PCGF5: variants seen among roughly 807,000 people sequenced by gnomAD.
PCGF5 encodes polycomb group ring finger 5.
Under a neutral mutation model 44.3 loss-of-function variants are expected in PCGF5, and 9 were observed. The ratio of observed to expected loss-of-function variants is 0.20; its 90% CI spans 0.12 to 0.35. The LOEUF (loss-of-function observed/expected upper bound fraction) is 0.35, where lower values mean the gene tolerates loss of function less well. Among genes scored for constraint, PCGF5 ranks in the 10% least tolerant of loss-of-function variants. The pLI, the probability that PCGF5 is intolerant of heterozygous loss-of-function variation, is 1.00. For synonymous variants in PCGF5, 95 were observed against 102.5 expected (o/e 0.93, Z 0.44); for missense variants, 146 against 305.3 (o/e 0.48, Z 3.89).
chr10:91,222,393 A>T (rs984091766), intron 1 of PCGF5, among the ~76,000 whole-genome samples: 3 of 152,232 alleles, frequency 2.0e-5, no homozygotes, highest in Non-Finnish European at 2.9e-5. Context: ...CTAATAGAGC[A>T]GTCAAGCAGA....
chr10:91,201,140 G>A (rs1564632074), intron 1 of PCGF5, among the ~76,000 whole-genome samples: 1 of 152,188 alleles, frequency 6.6e-6, no homozygotes, highest in East Asian at 1.9e-4. Flanking sequence ...TGCTACAGCT[G>A]AATACCTGAG....
At chr10:91,214,983 TA>T (rs1844516631) in intron 1 of PCGF5, among the ~76,000 whole-genome samples, 1 of 152,200 alleles carries the variant, frequency 6.6e-6, no homozygotes, top group South Asian at 2.1e-4. Context: ...ACTTCACTGG[TA>T]AAAAGGATTA....
chr10:91,209,399 A>G (rs1210190407), intron 1 of PCGF5, among the ~76,000 whole-genome samples: 1 of 152,210 alleles, frequency 6.6e-6, no homozygotes, highest in Non-Finnish European at 1.5e-5. Context: ...ATTTGAGACC[A>G]GGAGTTTGAA....
At position 91,271,707 on chromosome 10, in the gene PCGF5, A is replaced by G; in HGVS notation, c.723+10A>G. On this transcript the variant is annotated intron_variant, in intron 9 of 9. Coordinates refer to ENST00000336126, the MANE Select transcript of PCGF5 (RefSeq NM_032373.5). Reference sequence around the variant, plus strand: ...TGGCCCTTTGTATCAGGTAAGAGGCACTCACGACTGTACATATGACCATCA... The same window carrying G: ...TGGCCCTTTGTATCAGGTAAGAGGCGCTCACGACTGTACATATGACCATCA... 2 of 1,610,470 alleles carry G rather than the reference A, an allele frequency of 1.2e-6. No homozygotes were observed. Among genetic ancestry groups the G allele is most frequent in the Non-Finnish European group, 1.7e-6 (2 of 1,176,780 alleles).
At chr10:91,195,034 G>C (rs1844102275) in intron 1 of PCGF5, among the ~76,000 whole-genome samples, 1 of 152,086 alleles carries the variant, frequency 6.6e-6, no homozygotes, top group Non-Finnish European at 1.5e-5. Flanking sequence ...GTTCTCTTCT[G>C]ATGACTCAGT....
At chr10:91,227,186 C>G in intron 2 of PCGF5, 1 of 375,606 alleles carries the variant, frequency 2.7e-6, no homozygotes, top group Non-Finnish European at 5.2e-6. Flanking sequence ...CACTATTGAG[C>G]AAACTTATAT....
chr10:91,167,273 A>G (rs1049141826), intron 1 of PCGF5, among the ~76,000 whole-genome samples: 1 of 152,242 alleles, frequency 6.6e-6, no homozygotes, highest in Non-Finnish European at 1.5e-5. Flanking sequence ...CAATATAAGA[A>G]GAATACTGGT....
intron 1 of PCGF5, among the ~76,000 whole-genome samples, chr10:91,201,796 A>C (rs965071955): frequency 6.6e-6 from 1 of 151,860 alleles, no homozygotes; most frequent in Non-Finnish European, 1.5e-5. Context: ...TGCCTTCTTA[A>C]CAAGGCTGAA....
At chr10:91,194,152 T>C (rs1030845270) in intron 1 of PCGF5, among the ~76,000 whole-genome samples, 1 of 152,162 alleles carries the variant, frequency 6.6e-6, no homozygotes, top group African/African-American at 2.4e-5. Flanking sequence ...GGCAGAATAA[T>C]GGCCTCTAAA....
intron 2 of PCGF5, among the ~76,000 whole-genome samples, chr10:91,229,488 C>T (rs1844943320): frequency 6.6e-6 from 1 of 152,172 alleles, no homozygotes; most frequent in African/African-American, 2.4e-5. Flanking sequence ...GGTTAAGTAA[C>T]AGCCAGTAAG....
In PCGF5 at chr10:91,241,218, G is replaced by A. The variant is rs547688482; in HGVS notation, c.209+638G>A. Among the ~76,000 whole-genome samples the A allele has an allele frequency of 4.6e-3, 698 of 151,908 alleles. 5 individuals carry two copies. Among genetic ancestry groups the A allele is most frequent in the Middle Eastern group, 0.01 (3 of 292 alleles). The stretch of plus-strand genomic sequence containing the variant: ...GCCTCCTGAGTAGCTGGGATTACAG[G>A]CATGCGCCACCACATTAATTTTGTA... On this transcript the variant is annotated intron_variant, in intron 3 of 9. Transcript: ENST00000336126.
At chr10:91,239,597 T>C (rs963595297) in intron 2 of PCGF5, among the ~76,000 whole-genome samples, 1 of 152,198 alleles carries the variant, frequency 6.6e-6, no homozygotes, top group African/African-American at 2.4e-5. Flanking sequence ...TACGGGGTAA[T>C]AGAATGGAGG....
At chr10:91,182,938 C>T (rs4933649) in intron 1 of PCGF5, among the ~76,000 whole-genome samples, 14 of 152,274 alleles carry the variant, frequency 9.2e-5, no homozygotes, top group Non-Finnish European at 1.5e-4. Context: ...GAGTGAATTT[C>T]TTAGTCTTGA....
intron 7 of PCGF5, among the ~76,000 whole-genome samples, chr10:91,263,142 A>C (rs917114840): frequency 6.6e-6 from 1 of 152,108 alleles, no homozygotes; most frequent in Non-Finnish European, 1.5e-5. Context: ...CCTAGTATGC[A>C]GGGGGATTAT....
At chr10:91,180,847 C>A (rs1029560929) in intron 1 of PCGF5, among the ~76,000 whole-genome samples, 1 of 152,078 alleles carries the variant, frequency 6.6e-6, no homozygotes, top group African/African-American at 2.4e-5. Flanking sequence ...TTTTTTGGTT[C>A]CATGTGAATT....
At chr10:91,212,125 T>C (rs1196643374) in intron 1 of PCGF5, among the ~76,000 whole-genome samples, 1 of 152,232 alleles carries the variant, frequency 6.6e-6, no homozygotes, top group Non-Finnish European at 1.5e-5. Flanking sequence ...AGCAAAATAC[T>C]GTGTACTTGG....
chr10:91,282,894 T>C lies in PCGF5; in HGVS notation c.*4578T>C, dbSNP rs1047997544. ...AAACACAAAACTTGAAATGCAATTA[T>C]CAATATTTTGTAATATATATTCCTA... is the stretch of plus-strand genomic sequence containing the variant. On this transcript the variant is annotated 3_prime_UTR_variant, in exon 10 of 10. Coordinates refer to ENST00000336126, the MANE Select transcript of PCGF5 (RefSeq NM_032373.5). 4 of 152,596 alleles carry C rather than the reference T, an allele frequency of 2.6e-5. No homozygotes were observed. The highest frequency in any genetic ancestry group is 5.9e-5 in the Non-Finnish European group (4 of 68,050). 9.5% of individuals were successfully genotyped at this position (152,596 alleles called of 1,614,324 possible).
At chr10:91,247,514 A>T (rs1240616851) in intron 3 of PCGF5, among the ~76,000 whole-genome samples, 2 of 151,674 alleles carry the variant, frequency 1.3e-5, no homozygotes, top group Non-Finnish European at 2.9e-5. Flanking sequence ...TTTTTTTAAG[A>T]TGTGAGAAAC....
At chr10:91,182,438 A>G (rs1357411512) in intron 1 of PCGF5, among the ~76,000 whole-genome samples, 1 of 150,594 alleles carries the variant, frequency 6.6e-6, no homozygotes, top group African/African-American at 2.4e-5. Context: ...GTTTGTTTGA[A>G]TCTTCTTTAT....
Sources: gnomAD v4.1 joint callset for allele counts (sites outside exome capture counted in the v4.1 genomes callset) on GRCh38, gnomAD v4.1.1 for gene constraint, MANE v1.5 for transcripts, NCBI Gene and HGNC (gene_info 2026-07-23, HGNC 2026-07-21) for gene names.